The following DENND2A variants were observed in gnomAD, a reference collection of about 807,000 sequenced individuals.
DENND2A encodes the protein DENN domain containing 2A, also known as DENN domain-containing protein 2A.
In DENND2A, 53 loss-of-function variants were observed where a neutral mutation model predicts 105.3. That is an observed-to-expected ratio of 0.50 (90% CI 0.40 to 0.63). DENND2A has a LOEUF of 0.63. DENND2A is among the 30% of genes least tolerant of loss of function. The pLI, the probability that DENND2A is intolerant of heterozygous loss-of-function variation, is 0.00. For missense variants in DENND2A, 1,138 were observed against 1,279.6 expected, an observed-to-expected ratio of 0.89 and a Z score of 1.69; for synonymous variants, 522 against 508.4, an observed-to-expected ratio of 1.03 and a Z score of -0.36.
At chr7:140,520,398 C>T (rs890060744) in intron 18 of DENND2A, among the ~76,000 whole-genome samples, 13 of 151,936 alleles carry the variant, frequency 8.6e-5, no homozygotes, top group African/African-American at 3.1e-4. Flanking sequence ...TACGAGGGCC[C>T]TGGCCAAGTG....
chr7:140,528,185 GC>G (rs143783439), intron 14 of DENND2A, among the ~76,000 whole-genome samples: 2,213 of 152,092 alleles, frequency 0.015, 59 homozygotes, highest in African/African-American at 0.051. Flanking sequence ...CTTACTCCCT[GC>G]CCCCTACACA....
At chr7:140,592,047 T>C (rs1279470248) in intron 3 of DENND2A, among the ~76,000 whole-genome samples, 2 of 130,800 alleles carry the variant, frequency 1.5e-5, no homozygotes, top group African/African-American at 2.8e-5. Flanking sequence ...CTTCTTCTTT[T>C]TTTTTTTTTT....
chr7:140,567,520 C>G (rs536692544), intron 8 of DENND2A, among the ~76,000 whole-genome samples: 1 of 152,180 alleles, frequency 6.6e-6, no homozygotes, highest in Non-Finnish European at 1.5e-5. Flanking sequence ...TCTGGGAGAA[C>G]CAACATTCAG....
chr7:140,601,674 G>T lies in DENND2A; in HGVS notation c.724C>A (p.Pro242Thr). Residue 242 changes from proline to threonine, a missense_variant, in exon 3 of 20, where the codon CCC (proline) becomes ACC (threonine). Around this residue, in one of 2 missense-constraint regions of DENND2A, gnomAD observed 511 missense variants for 499.9 expected, o/e 1.02. Coordinates refer to ENST00000496613, the MANE Select transcript of DENND2A (RefSeq NM_015689.5). ...ACGTTCTCAAGGCTCCGGTCCCAGG[G>T]CCTTCTGCATGAACCTTTCCTGTCC... ...VEDRKGSCRR[P>T]WDRSLENVYR... 1.2e-6 allele frequency: 2 copies of T among 1,613,660 alleles called. No homozygotes were observed. The highest frequency in any genetic ancestry group is 2.2e-5 in the South Asian group (2 of 91,058).
chr7:140,633,536 G>A (rs1459448619), intron 1 of DENND2A, among the ~76,000 whole-genome samples: 1 of 152,160 alleles, frequency 6.6e-6, no homozygotes, highest in Non-Finnish European at 1.5e-5. Context: ...AACTTGCAGA[G>A]AATTTAGTGC....
intron 1 of DENND2A, among the ~76,000 whole-genome samples, chr7:140,610,290 GA>G (rs576801972): frequency 0.071 from 7,109 of 100,222 alleles, 331 homozygotes; most frequent in African/African-American, 0.16. Context: ...TAGTCTTAAG[GA>G]AAAAAAAAAA....
In DENND2A at chr7:140,557,608, C is replaced by T. The variant is rs1204081978; in HGVS notation, c.1959+535G>A. Among the ~76,000 whole-genome samples, 3 of 121,692 alleles carry T rather than the reference C, an allele frequency of 2.5e-5. No homozygotes were observed. In the Admixed American group the frequency reaches 2.9e-4, roughly 12 times the overall value. The allele number at this position is 121,692 out of a possible 152,430, so 79.8% of individuals were successfully genotyped here. ...AGGCTGGAGTGCAGTGGCGCGATCT[C>T]GACTCACTGCAAGCTCCGCCTCCCG... On this transcript the variant is annotated intron_variant, in intron 11 of 19. Transcript: ENST00000496613.
chr7:140,621,628 C>A (rs1160580550), intron 1 of DENND2A, among the ~76,000 whole-genome samples: 1 of 152,140 alleles, frequency 6.6e-6, no homozygotes, highest in Non-Finnish European at 1.5e-5. Context: ...GTAATTCATT[C>A]TTGCAACTAA....
chr7:140,639,439 G>GACAC (rs10611078), intron 1 of DENND2A, among the ~76,000 whole-genome samples: 109 of 150,218 alleles, frequency 7.3e-4, no homozygotes, highest in African/African-American at 2.2e-3. Context: ...AACCGTCTCT[G>GACAC]ACACACACAC....
At chr7:140,633,999 CT>C (rs758022614) in intron 1 of DENND2A, among the ~76,000 whole-genome samples, 1,720 of 142,012 alleles carry the variant, frequency 0.012, 12 homozygotes, top group Non-Finnish European at 0.018. Context: ...AAATAGATTT[CT>C]TTTTTTTTTT....
At chr7:140,635,938 G>A (rs1233118855) in intron 1 of DENND2A, among the ~76,000 whole-genome samples, 1 of 152,202 alleles carries the variant, frequency 6.6e-6, no homozygotes, top group East Asian at 1.9e-4. Flanking sequence ...GCATGTCGCT[G>A]TCTTTTGCAT....
In DENND2A at chr7:140,521,913, C is replaced by T. The variant is rs368264444; in HGVS notation, c.2853G>A (p.Glu951=). ...GGATGAAGCCCCGAAACATCTGAGT[C>T]TCCATGAAGACCTCCAGGAAGTGGC... The part of the protein sequence containing the change: ...SLRHFLEVFM[E]TQMFRGFIQE... Residue 951 remains glutamate (E), a synonymous_variant, in exon 18 of 20, where the codon GAG becomes GAA. Transcript: ENST00000496613. 1.0e-4 allele frequency: 169 copies of T among 1,614,052 alleles called. No individual in the cohort carries two copies. The highest frequency in any genetic ancestry group is 2.2e-4 in the South Asian group (20 of 91,084).
chr7:140,613,677 A>C (rs936906391), intron 1 of DENND2A, among the ~76,000 whole-genome samples: 3 of 131,808 alleles, frequency 2.3e-5, no homozygotes, highest in African/African-American at 3.3e-5. Flanking sequence ...AATTAAAAAA[A>C]AAAAACAAAC....
chr7:140,629,056 G>T (rs571640757), intron 1 of DENND2A, among the ~76,000 whole-genome samples: 1 of 152,250 alleles, frequency 6.6e-6, no homozygotes, highest in Admixed American at 6.5e-5. Context: ...GAAAGACAAG[G>T]TTGGTTCAGG....
Position 140,518,489 on chromosome 7 carries a change from C to T in DENND2A, c.*218G>A, listed in dbSNP as rs1026826471. On this transcript the variant is annotated 3_prime_UTR_variant, in exon 20 of 20. Transcript: ENST00000496613. ...CCACCAAAACAACCCATTTGCATGT[C>T]GGCGACACGCCTGGTCTCGGGCTCC... The T allele has an allele frequency of 1.3e-5, 6 of 461,644 alleles. No homozygotes were observed. The highest frequency in any genetic ancestry group is 2.3e-5 in the Non-Finnish European group (6 of 259,378). 28.6% of individuals were successfully genotyped at this position (461,644 alleles called of 1,614,324 possible). A position where few individuals can be genotyped will look rare whatever the true frequency, so the allele number is the denominator to read the frequency against.
At chr7:140,558,022 TCTC>T (rs1470354179) in intron 11 of DENND2A, 118 bp downstream of exon 11, 4 of 739,070 alleles carry the variant, frequency 5.4e-6, no homozygotes, top group East Asian at 2.7e-5. Flanking sequence ...CCCTGCTCCT[TCTC>T]CTCCTGTGCC....
intron 14 of DENND2A, among the ~76,000 whole-genome samples, chr7:140,533,012 A>C (rs1162075899): frequency 4.3e-5 from 2 of 47,016 alleles, no homozygotes; most frequent in Non-Finnish European, 7.8e-5. Context: ...TTTTTTTTTG[A>C]GACAGTGTCT....
At chr7:140,583,004 T>C (rs144915220) in intron 5 of DENND2A, among the ~76,000 whole-genome samples, 230 of 152,234 alleles carry the variant, frequency 1.5e-3, no homozygotes, top group African/African-American at 5.3e-3. Context: ...TTTTAAGATA[T>C]ATTAAGGCTG....
chr7:140,617,588 C>T (rs947003496), intron 1 of DENND2A, among the ~76,000 whole-genome samples: 6 of 152,094 alleles, frequency 3.9e-5, no homozygotes, highest in African/African-American at 1.2e-4. Flanking sequence ...GTCGTGGGCA[C>T]CTGTAATCCC....
Sources: allele counts gnomAD v4.1 joint callset (sites outside exome capture counted in the v4.1 genomes callset), GRCh38; gene constraint gnomAD v4.1.1; regional missense constraint gnomAD v4.1.1; transcripts MANE v1.5; gene names NCBI Gene and HGNC (gene_info 2026-07-23, HGNC 2026-07-21).